FAM171A1: variants seen among roughly 807,000 people sequenced by gnomAD.
FAM171A1 encodes protein FAM171A1.
Under a neutral mutation model 74.9 loss-of-function variants are expected in FAM171A1, and 23 were observed. The observed-to-expected ratio is 0.31, with a 90% CI of 0.22 to 0.44. The LOEUF (loss-of-function observed/expected upper bound fraction) is 0.44. Among genes scored for constraint, FAM171A1 ranks in the 20% least tolerant of loss-of-function variants. The probability of loss-of-function intolerance (pLI) is 1.00; values close to 1 mark genes in which losing one functional copy is unlikely to be tolerated. For synonymous variants in FAM171A1, 527 were observed against 505.7 expected, an observed-to-expected ratio of 1.04 and a Z score of -0.57; for missense variants, 1,162 against 1,159.2, an observed-to-expected ratio of 1.00 and a Z score of -0.03.
intron 5 of FAM171A1, among the ~76,000 whole-genome samples, chr10:15,239,938 T>C (rs752651627): frequency 7.9e-5 from 12 of 152,386 alleles, no homozygotes; most frequent in Middle Eastern, 6.8e-3. Context: ...CCAGTGAGCA[T>C]TGCCTTTGGG....
At chr10:15,263,287 T>C (rs1246778752) in intron 3 of FAM171A1, among the ~76,000 whole-genome samples, 1 of 152,110 alleles carries the variant, frequency 6.6e-6, no homozygotes, top group Non-Finnish European at 1.5e-5. Context: ...ATCTCCGGCA[T>C]TCATACAATG....
At position 15,277,689 on chromosome 10, in the gene FAM171A1, T is replaced by G. The variant is rs536288850; in HGVS notation, c.326-1742A>C. On this transcript the variant is annotated intron_variant, in intron 2 of 7. Transcript: ENST00000378116. The stretch of plus-strand genomic sequence containing the variant: ...ACATGGAAAAGTTGGCCTAGAGAGG[T>G]AAATGACATTCTGGGAAAACATCAG... Among the ~76,000 whole-genome samples the G allele has an allele frequency of 6.6e-5, 10 of 152,236 alleles. No homozygotes were observed. In the South Asian group the frequency reaches 2.1e-3, roughly 32 times the overall value.
chr10:15,264,653 G>A (rs555783499), intron 3 of FAM171A1, among the ~76,000 whole-genome samples: 2 of 151,870 alleles, frequency 1.3e-5, no homozygotes, highest in Non-Finnish European at 2.9e-5. Context: ...GTGTGGTGGT[G>A]TATACTGTAG....
At chr10:15,234,854 G>A (rs1049916160) in intron 5 of FAM171A1, among the ~76,000 whole-genome samples, 2 of 151,990 alleles carry the variant, frequency 1.3e-5, no homozygotes, top group Admixed American at 6.6e-5. Context: ...AGTAGAGACG[G>A]GGTTTCACTG....
At chr10:15,344,650 T>G in intron 1 of FAM171A1, among the ~76,000 whole-genome samples, 1 of 152,228 alleles carries the variant, frequency 6.6e-6, no homozygotes, top group East Asian at 1.9e-4. Context: ...ATATTAAAAT[T>G]TTATTTGTTG....
chr10:15,331,910 T>G (rs1035692122), intron 1 of FAM171A1, among the ~76,000 whole-genome samples: 4 of 141,826 alleles, frequency 2.8e-5, no homozygotes, highest in African/African-American at 1.0e-4. Flanking sequence ...ACAATTAAGA[T>G]TCAAGACCTG....
chr10:15,337,671 T>TTAATAAGCAGTACGGGTC (rs1564284004), intron 1 of FAM171A1, among the ~76,000 whole-genome samples: 2 of 151,242 alleles, frequency 1.3e-5, no homozygotes, highest in African/African-American at 4.9e-5. Context: ...CAGTAGGGGT[T>TTAATAAGCAGTACGGGTC]GGCGCGGTGG....
rs192201227 is a variant in FAM171A1 at position 15,341,777 on chromosome 10, C to T, written c.97+29179G>A. Among the ~76,000 whole-genome samples the T allele has an allele frequency of 2.1e-3, 325 of 152,204 alleles. 2 individuals are homozygous for T. The highest frequency in any genetic ancestry group is 7.3e-3 in the African/African-American group (302 of 41,532). On this transcript the variant is annotated intron_variant, in intron 1 of 7. Coordinates refer to ENST00000378116, the MANE Select transcript of FAM171A1 (RefSeq NM_001010924.2). ...GCTCTTAATATACCCTGACACATCA[C>T]GACAGAAAAGGGACCCTTCTGAAAA...
At chr10:15,279,619 G>A (rs1363465406) in intron 2 of FAM171A1, among the ~76,000 whole-genome samples, 1 of 152,096 alleles carries the variant, frequency 6.6e-6, no homozygotes, top group African/African-American at 2.4e-5. Flanking sequence ...TGGGCTTTAT[G>A]GGATAAAAGA....
chr10:15,273,215 C>G (rs955019296), intron 3 of FAM171A1, among the ~76,000 whole-genome samples: 1 of 152,002 alleles, frequency 6.6e-6, no homozygotes, highest in Non-Finnish European at 1.5e-5. Context: ...GAGGTATCAC[C>G]GCCAATTCCA....
At chr10:15,328,085 A>AC (rs1835579060) in intron 1 of FAM171A1, among the ~76,000 whole-genome samples, 1 of 138,148 alleles carries the variant, frequency 7.2e-6, no homozygotes. Flanking sequence ...CTTCAAAAAA[A>AC]CCCAAAAAAC....
chr10:15,232,526 A>G (rs942327029), intron 5 of FAM171A1, among the ~76,000 whole-genome samples: 3 of 152,178 alleles, frequency 2.0e-5, no homozygotes, highest in African/African-American at 7.2e-5. Context: ...GACCGAACGA[A>G]CTGTTTGATT....
At chr10:15,214,694 C>T in intron 7 of FAM171A1, 93 bp from the exon 8 acceptor site, 1 of 1,459,302 alleles carries the variant, frequency 6.9e-7, no homozygotes, top group Non-Finnish European at 9.0e-7. Context: ...TCTCAATTTC[C>T]ATGGGGAGAG....
chr10:15,264,439 T>C (rs1834710896), intron 3 of FAM171A1, among the ~76,000 whole-genome samples: 1 of 152,124 alleles, frequency 6.6e-6, no homozygotes, highest in Non-Finnish European at 1.5e-5. Flanking sequence ...AAAATGCAAC[T>C]AAATGTGACC....
At chr10:15,373,265 CCTT>C (rs1204204496), upstream of FAM171A1, among the ~76,000 whole-genome samples, 7 of 152,168 alleles carry the variant, frequency 4.6e-5, no homozygotes, top group African/African-American at 1.4e-4. Context: ...TGGATTCCCT[CCTT>C]CTTCTGATTC....
intron 1 of FAM171A1, among the ~76,000 whole-genome samples, chr10:15,297,086 CTTG>C (rs1480295379): frequency 6.7e-6 from 1 of 150,164 alleles, no homozygotes; most frequent in African/African-American, 2.5e-5. Flanking sequence ...GAGATGGAGT[CTTG>C]TTGTGTCACC....
At chr10:15,323,251 G>C (rs377651770) in intron 1 of FAM171A1, among the ~76,000 whole-genome samples, 1 of 151,964 alleles carries the variant, frequency 6.6e-6, no homozygotes, top group Non-Finnish European at 1.5e-5. Context: ...TCAGGAGTTC[G>C]AGACCAGCCT....
rs1206270248 is a variant in FAM171A1, at chr10:15,213,814, C to T, written c.1774G>A (p.Gly592Arg). The change falls in exon 8 of 8, where the codon GGG (glycine) becomes AGG (arginine). Residue 592 changes from glycine (G) to arginine (R), a missense_variant. Transcript: ENST00000378116. This position sits in a 1 kb window ranked among gnomAD's most constrained non-coding sequence, Gnocchi z 6.8. Reference protein sequence around the residue: ...VIPAHYMKLPGDHSYVSQPLV... With the variant: ...VIPAHYMKLPRDHSYVSQPLV... ...GGCTGGCTGACATAGGAGTGGTCCCCGGGGAGTTTCATATAATGAGCCGGG... is the reference window on the plus strand; with the variant it reads ...GGCTGGCTGACATAGGAGTGGTCCCTGGGGAGTTTCATATAATGAGCCGGG... 5.6e-6 allele frequency: 9 copies of T among 1,613,984 alleles called. No homozygotes were observed. The highest frequency in any genetic ancestry group is 1.7e-5 in the Admixed American group (1 of 59,994).
At chr10:15,323,463 T>C (rs79360676) in intron 1 of FAM171A1, among the ~76,000 whole-genome samples, 36,692 of 151,834 alleles carry the variant, frequency 0.24, 4,599 homozygotes, top group Non-Finnish European at 0.27. Context: ...CAAAAATAAA[T>C]ACATACATAA....
Sources: gnomAD v4.1 joint callset for allele counts (sites outside exome capture counted in the v4.1 genomes callset) on GRCh38, gnomAD v4.1.1 for gene constraint, Gnocchi (gnomAD v3.1) non-coding constraint, MANE v1.5 for transcripts, NCBI Gene and HGNC (gene_info 2026-07-23, HGNC 2026-07-21) for gene names.